LARGE1: variants seen among roughly 807,000 people sequenced by gnomAD.
LARGE1 encodes xylosyl- and glucuronyltransferase LARGE1.
LARGE1 carries 43 observed loss-of-function variants against 87.6 expected under a neutral mutation model. The observed-to-expected ratio is 0.49, with a 90% CI of 0.38 to 0.63. LARGE1 has a LOEUF of 0.63. LARGE1 is among the 30% of genes least tolerant of loss of function. The probability of loss-of-function intolerance (pLI) is 0.00; values close to 1 mark genes in which losing one functional copy is unlikely to be tolerated. For missense variants in LARGE1, 802 were observed against 1,000.2 expected, an observed-to-expected ratio of 0.80 and a Z score of 2.67; for synonymous variants, 434 against 394.6, an observed-to-expected ratio of 1.10 and a Z score of -1.18.
At chr22:33,795,352 C>T (rs1275529239) in intron 1 of LARGE1, among the ~76,000 whole-genome samples, 1 of 152,072 alleles carries the variant, frequency 6.6e-6, no homozygotes, top group Non-Finnish European at 1.5e-5. Flanking sequence ...TACACAGACG[C>T]AAATAACTTG....
At chr22:33,081,771 G>T in the LARGE1 span, among the ~76,000 whole-genome samples, 2 of 152,092 alleles carry the variant, frequency 1.3e-5, no homozygotes, top group Non-Finnish European at 2.9e-5. Flanking sequence ...AAGACACTTT[G>T]AATAGCACAT....
chr22:33,788,074 T>C (rs2085708197), intron 1 of LARGE1, among the ~76,000 whole-genome samples: 1 of 152,216 alleles, frequency 6.6e-6, no homozygotes, highest in African/African-American at 2.4e-5. Context: ...TACTTGGTAT[T>C]ATTTGTTGGC....
chr22:33,209,940 C>G (rs376083485), intron 11 of LARGE1, among the ~76,000 whole-genome samples: 3 of 152,214 alleles, frequency 2.0e-5, no homozygotes, highest in African/African-American at 4.8e-5. Flanking sequence ...TGAGCCACCA[C>G]GCCCGGCTGT....
intron 13 of LARGE1, among the ~76,000 whole-genome samples, chr22:33,278,091 T>C (rs1296982499): frequency 2.0e-5 from 3 of 152,194 alleles, no homozygotes; most frequent in Admixed American, 2.0e-4. Context: ...TTACTTTGTG[T>C]GAAAATGGGA....
At chr22:33,676,719 T>C (rs1387496965) in intron 2 of LARGE1, among the ~76,000 whole-genome samples, 10 of 152,184 alleles carry the variant, frequency 6.6e-5, no homozygotes, top group Non-Finnish European at 1.3e-4. Context: ...AAGGTCTAAA[T>C]ACTAAATATT....
rs140124317 is a variant in LARGE1, at chr22:33,622,919, C to A, written c.491+3325G>T. Among the ~76,000 whole-genome samples the A allele has an allele frequency of 4.2e-4, 64 of 152,326 alleles. No individual in the cohort carries two copies. The East Asian group carries it at 0.011, about 27-fold the overall frequency. ...CTACCGCTATTTTTTAATTTAACAT[C>A]TTTGTGCTGCACAGTTACTGTAGGA... On this transcript the variant is annotated intron_variant, in intron 4 of 14. Transcript: ENST00000397394.
chr22:33,890,004 C>T (rs868069991), intron 1 of LARGE1, among the ~76,000 whole-genome samples: 2 of 152,218 alleles, frequency 1.3e-5, no homozygotes, highest in Admixed American at 1.3e-4. Flanking sequence ...TTCTGCCCCC[C>T]ATAAGTGGGG....
chr22:33,571,442 C>G (rs1432577248), intron 5 of LARGE1, among the ~76,000 whole-genome samples: 2 of 152,154 alleles, frequency 1.3e-5, no homozygotes, highest in East Asian at 1.9e-4. Flanking sequence ...CACCTCACCT[C>G]TACAGGTGAC....
At chr22:33,819,152 G>A (rs1217214650) in intron 1 of LARGE1, among the ~76,000 whole-genome samples, 2 of 152,178 alleles carry the variant, frequency 1.3e-5, no homozygotes, top group South Asian at 4.1e-4. Context: ...AACCACTTCA[G>A]AGTTCACACG....
At chr22:33,312,312 G>A (rs1162037912) in intron 11 of LARGE1, among the ~76,000 whole-genome samples, 1 of 152,116 alleles carries the variant, frequency 6.6e-6, no homozygotes, top group African/African-American at 2.4e-5. Context: ...CTGGTGGTGC[G>A]CGCCTGTAGT....
chr22:33,507,528 G>A (rs2070823297), intron 6 of LARGE1, among the ~76,000 whole-genome samples: 1 of 152,106 alleles, frequency 6.6e-6, no homozygotes. Flanking sequence ...AAAGGAGACT[G>A]GTGGCTACCA....
chr22:33,762,511 T>C (rs1182069924), intron 1 of LARGE1, among the ~76,000 whole-genome samples: 1 of 152,178 alleles, frequency 6.6e-6, no homozygotes, highest in Non-Finnish European at 1.5e-5. Flanking sequence ...GACTGTACCC[T>C]AGTCACAACT....
chr22:33,260,150 C>T (rs1054532762), intron 11 of LARGE1, among the ~76,000 whole-genome samples: 24 of 152,308 alleles, frequency 1.6e-4, no homozygotes, highest in South Asian at 4.1e-4. Context: ...CTCCTTCCCA[C>T]TGAAACCCCG....
intron 4 of LARGE1, among the ~76,000 whole-genome samples, chr22:33,625,834 A>C (rs2079903762): frequency 6.6e-6 from 1 of 152,104 alleles, no homozygotes; most frequent in Non-Finnish European, 1.5e-5. Flanking sequence ...CCTATCTCCA[A>C]ATACAGTCAT....
intron 2 of LARGE1, among the ~76,000 whole-genome samples, chr22:33,665,892 A>C (rs535449105): frequency 3.0e-3 from 1 of 330 alleles, no homozygotes; most frequent in Admixed American, 0.045. Context: ...ACCCCGTCTC[A>C]AGAAAAAAGA....
At chr22:33,415,730 CAT>C (rs768309781) in intron 7 of LARGE1, among the ~76,000 whole-genome samples, 2 of 152,266 alleles carry the variant, frequency 1.3e-5, no homozygotes, top group South Asian at 4.1e-4. Flanking sequence ...GGAGCTTCTG[CAT>C]ATGTTTCAAC....
chr22:33,718,838 T>C (rs1308935383), intron 2 of LARGE1, among the ~76,000 whole-genome samples: 1 of 152,236 alleles, frequency 6.6e-6, no homozygotes, highest in African/African-American at 2.4e-5. Context: ...GTCACCAGGC[T>C]GGAGTGCAGT....
intron 7 of LARGE1, among the ~76,000 whole-genome samples, chr22:33,422,990 G>A (rs115648223): frequency 0.01 from 1,517 of 144,654 alleles, 27 homozygotes; most frequent in African/African-American, 0.038. Context: ...CACTACTTAC[G>A]GGATATTTTT....
At chr22:33,190,249 A>G (rs1229016688) in intron 11 of LARGE1, among the ~76,000 whole-genome samples, 2 of 152,192 alleles carry the variant, frequency 1.3e-5, no homozygotes. Flanking sequence ...GACTGGGAAG[A>G]GTACTGTTAC....
Sources: allele counts gnomAD v4.1 joint callset (sites outside exome capture counted in the v4.1 genomes callset), GRCh38; gene constraint gnomAD v4.1.1; transcripts MANE v1.5; gene names NCBI Gene and HGNC (gene_info 2026-07-23, HGNC 2026-07-21).